Variants in INSL6 observed in about 807,000 individuals in gnomAD.
INSL6 encodes the protein insulin like 6, also known as insulin-like peptide INSL6.
INSL6 carries 16 observed loss-of-function variants against 9.4 expected under a neutral mutation model. The observed-to-expected ratio is 1.70, with a 90% CI of 1.15 to 2.59. The LOEUF is 2.59. Among genes scored for constraint, INSL6 ranks in the 30% most tolerant of loss-of-function variants. INSL6 has a pLI of 0.00. For synonymous variants in INSL6, 154 were observed against 96.9 expected (o/e 1.59, Z -3.46); for missense variants, 391 against 257.3 (o/e 1.52, Z -3.56).
the INSL6 span, among the ~76,000 whole-genome samples, chr9:5,035,986 C>T: frequency 0.24 from 36,978 of 151,816 alleles, 4,613 homozygotes; most frequent in Middle Eastern, 0.26. Flanking sequence ...AAAACCCCAT[C>T]GTCTCAGCCC....
intron 3 of INSL6, among the ~76,000 whole-genome samples, chr9:5,130,774 C>G (rs62543910): frequency 6.6e-6 from 1 of 150,386 alleles, no homozygotes; most frequent in Non-Finnish European, 1.5e-5. Context: ...TGTCGCCCAG[C>G]CTGGAGTGCA....
the INSL6 span, chr9:5,114,522 G>A: frequency 0.27 from 127,889 of 465,262 alleles, 18,198 homozygotes; most frequent in Admixed American, 0.3. Flanking sequence ...AACGCTAGAA[G>A]AGCCGAGGAA....
chr9:5,040,442 ATAGTT>A, the INSL6 span, among the ~76,000 whole-genome samples: 1 of 152,366 alleles, frequency 6.6e-6, no homozygotes, highest in Middle Eastern at 3.4e-3. Flanking sequence ...CAAAAGAAAA[ATAGTT>A]AAGTTAGGCT....
chr9:5,119,064 T>A (rs1823419412), downstream of INSL6, among the ~76,000 whole-genome samples: 1 of 152,174 alleles, frequency 6.6e-6, no homozygotes, highest in African/African-American at 2.4e-5. Flanking sequence ...ATTATTAACA[T>A]ATTTTATCAT....
chr9:5,098,505 AC>A, the INSL6 span: 2 of 152,160 alleles, frequency 1.3e-5, no homozygotes, highest in African/African-American at 4.8e-5. Context: ...TATTAGCACC[AC>A]AGATGCCCAA....
the INSL6 span, among the ~76,000 whole-genome samples, chr9:5,026,729 G>A: frequency 5.9e-5 from 9 of 152,152 alleles, no homozygotes; most frequent in East Asian, 1.9e-4. Flanking sequence ...ACGTGTATGC[G>A]TATGTGTGAA....
chr9:5,185,513 C>A lies in INSL6; in HGVS notation c.90G>T (p.Arg30Ser), dbSNP rs761160232. 3 of 1,614,092 alleles carry A rather than the reference C, an allele frequency of 1.9e-6. No homozygotes were observed. The African/African-American group carries it at 4.0e-5, about 22-fold the overall frequency. The change falls in exon 1 of 2, where the codon AGG becomes AGT. Residue 30 changes from arginine to serine, a missense_variant. Coordinates refer to ENST00000381641, the MANE Select transcript of INSL6 (RefSeq NM_007179.3). ...TCACCAAGTACCTGCCGCACAGCTT[C>A]CTGGCACTGCTGATGTCGCTCAGTT... Reference protein sequence around the residue: ...SRELSDISSARKLCGRYLVKE... With the variant: ...SRELSDISSASKLCGRYLVKE...
the INSL6 span, among the ~76,000 whole-genome samples, chr9:5,031,538 A>G: frequency 1.4e-5 from 2 of 147,806 alleles, no homozygotes. Flanking sequence ...TTAGCTTCTT[A>G]CTTTATAATG....
At chr9:5,136,516 AAAC>A (rs957252329) in intron 2 of INSL6, among the ~76,000 whole-genome samples, 8 of 152,336 alleles carry the variant, frequency 5.3e-5, no homozygotes, top group Non-Finnish European at 8.8e-5. Flanking sequence ...ACAATGAGAA[AAAC>A]AACATGATTA....
chr9:5,153,516 T>C (rs1586865349), intron 2 of INSL6, among the ~76,000 whole-genome samples: 1 of 152,240 alleles, frequency 6.6e-6, no homozygotes, highest in Non-Finnish European at 1.5e-5. Context: ...AGGTATTCAA[T>C]TAGGAAAAGA....
intron 1 of INSL6, among the ~76,000 whole-genome samples, chr9:5,172,799 G>A (rs932692640): frequency 5.3e-5 from 8 of 152,010 alleles, no homozygotes; most frequent in Admixed American, 2.0e-4. Context: ...GTGGTGGTGT[G>A]TGCCTGTAGT....
the INSL6 span, among the ~76,000 whole-genome samples, chr9:5,038,067 A>C: frequency 6.6e-6 from 1 of 152,180 alleles, no homozygotes; most frequent in African/African-American, 2.4e-5. Context: ...TCTTATAACT[A>C]GTGATGCTGA....
intron 2 of INSL6, among the ~76,000 whole-genome samples, chr9:5,156,641 A>G (rs1164771614): frequency 6.6e-6 from 1 of 152,216 alleles, no homozygotes; most frequent in Admixed American, 6.5e-5. Context: ...TTAATATTGC[A>G]TTCTCTAGTT....
At chr9:5,147,299 G>A (rs1270018174) in intron 2 of INSL6, among the ~76,000 whole-genome samples, 4 of 152,194 alleles carry the variant, frequency 2.6e-5, no homozygotes, top group Non-Finnish European at 5.9e-5. Flanking sequence ...GGGCCCACAG[G>A]AGACAGTCTG....
At chr9:5,021,831 C>G in the INSL6 span, 18 of 597,794 alleles carry the variant, frequency 3.0e-5, no homozygotes, top group Non-Finnish European at 5.3e-5. Flanking sequence ...TGAGGTTTCA[C>G]CATGTTGCTG....
chr9:5,130,026 G>C (rs1008419377), intron 3 of INSL6, among the ~76,000 whole-genome samples: 2 of 151,930 alleles, frequency 1.3e-5, no homozygotes, highest in Non-Finnish European at 2.9e-5. Flanking sequence ...CTTTTTTATA[G>C]TCTTTCACAT....
rs79594323 is a variant in INSL6 at position 5,173,120 on chromosome 9, G to C, written c.290-8855C>G. 2.7e-3 allele frequency among the ~76,000 whole-genome samples: 414 copies of C among 152,240 alleles called. 7 individuals are homozygous for C. The highest frequency in any genetic ancestry group is 0.024 in the Admixed American group (361 of 15,292). On this transcript the variant is annotated intron_variant, in intron 1 of 1. Transcript: ENST00000381641. ...ATTATTACAAAGTCAAGAAACAACA[G>C]ATGCTTTTGAGGTTGCAGAGAAATA...
the INSL6 span, among the ~76,000 whole-genome samples, chr9:5,065,582 G>T: frequency 6.6e-6 from 1 of 152,094 alleles, no homozygotes; most frequent in Non-Finnish European, 1.5e-5. Flanking sequence ...ATGCAACCGA[G>T]GAACTGAATT....
At chr9:5,067,346 G>C in the INSL6 span, among the ~76,000 whole-genome samples, 47 of 152,164 alleles carry the variant, frequency 3.1e-4, no homozygotes, top group Non-Finnish European at 5.3e-4. Flanking sequence ...GATCATTTTG[G>C]ATCTCATCTA....
Sources: gnomAD v4.1 joint callset for allele counts (sites outside exome capture counted in the v4.1 genomes callset) on GRCh38, gnomAD v4.1.1 for gene constraint, MANE v1.5 for transcripts, NCBI Gene and HGNC (gene_info 2026-07-23, HGNC 2026-07-21) for gene names.